PLCG2: variants seen among roughly 807,000 people sequenced by gnomAD.
PLCG2 encodes the protein 1-phosphatidylinositol 4,5-bisphosphate phosphodiesterase gamma-2.
A neutral mutation model predicts 175.6 loss-of-function variants in PLCG2; 69 were observed. The observed-to-expected ratio is 0.39, with a 90% CI of 0.32 to 0.48. The LOEUF (loss-of-function observed/expected upper bound fraction) is 0.48, where lower values mean the gene tolerates loss of function less well. PLCG2 is among the 20% of genes least tolerant of loss of function. The pLI, the probability that PLCG2 is intolerant of heterozygous loss-of-function variation, is 0.91. For missense variants in PLCG2, 1,798 were observed against 1,650.9 expected, an observed-to-expected ratio of 1.09 and a Z score of -1.54; for synonymous variants, 827 against 624.0, an observed-to-expected ratio of 1.33 and a Z score of -4.85.
At position 81,870,870 on chromosome 16, in the gene PLCG2, G is replaced by C; in HGVS notation, c.583G>C (p.Asp195His). Reference sequence around the variant, plus strand: ...TTTACAGGAAATAGGAGCACACAAAGATGAGCTCAGCTTTGAACAGTTCCA... The same window carrying C: ...TTTACAGGAAATAGGAGCACACAAACATGAGCTCAGCTTTGAACAGTTCCA... ...DKFVEIGAHK[D>H]ELSFEQFHLF... Residue 195 changes from aspartate to histidine, a missense_variant, in exon 7 of 33, where the codon GAT (aspartate) becomes CAT (histidine). Asp to His is a moderately conservative substitution (Grantham distance 81). Transcript: ENST00000564138. The C allele has an allele frequency of 6.3e-7, 1 of 1,596,054 alleles. No homozygotes were observed. Among genetic ancestry groups the C allele is most frequent in the Non-Finnish European group, 8.5e-7 (1 of 1,170,226 alleles).
chr16:81,922,205 C>T (rs1910088434), intron 21 of PLCG2, among the ~76,000 whole-genome samples: 1 of 152,198 alleles, frequency 6.6e-6, no homozygotes, highest in Non-Finnish European at 1.5e-5. Flanking sequence ...TGTGGCAGAG[C>T]TCCTAGAACC....
At position 81,959,130 on chromosome 16, in the gene PLCG2, T is replaced by C. The variant is rs1911687530; in HGVS notation, c.*1132T>C. ...GAGAGTGCTGGGTTGGGAAGGGAGG[T>C]GGTTGGTAGAGTCACAACTTCTCAA... On this transcript the variant is annotated 3_prime_UTR_variant, in exon 33 of 33. Coordinates refer to ENST00000564138, the MANE Select transcript of PLCG2 (RefSeq NM_002661.5). The C allele has an allele frequency of 9.0e-6, 2 of 223,444 alleles. No individual in the cohort carries two copies. Among genetic ancestry groups the C allele is most frequent in the South Asian group, 1.8e-4 (1 of 5,434 alleles). 13.8% of individuals were successfully genotyped at this position (223,444 alleles called of 1,614,324 possible). A position where few individuals can be genotyped will look rare whatever the true frequency, so the allele number is the denominator to read the frequency against.
At chr16:81,902,883 T>C (rs112280570) in intron 14 of PLCG2, among the ~76,000 whole-genome samples, 6,473 of 152,158 alleles carry the variant, frequency 0.043, 444 homozygotes, top group African/African-American at 0.15. Context: ...GAGAGCTTGT[T>C]CAGGGAAACT....
chr16:81,841,662 A>C (rs1905839032), intron 2 of PLCG2, among the ~76,000 whole-genome samples: 2 of 152,222 alleles, frequency 1.3e-5, no homozygotes, highest in African/African-American at 2.4e-5. Context: ...TCATACAGCC[A>C]GGAGAGAAAG....
chr16:81,749,988 A>T (rs377746948), intron 1 of PLCG2, among the ~76,000 whole-genome samples: 1 of 152,114 alleles, frequency 6.6e-6, no homozygotes, highest in Non-Finnish European at 1.5e-5. Context: ...TGACCTAGAA[A>T]GAGATCTGCA....
intron 2 of PLCG2, among the ~76,000 whole-genome samples, chr16:81,773,680 A>G (rs1910331074): frequency 6.6e-6 from 1 of 152,170 alleles, no homozygotes; most frequent in Non-Finnish European, 1.5e-5. Context: ...GTGACTACTG[A>G]GTCAGCTCCA....
chr16:81,835,335 C>G (rs931542900), intron 2 of PLCG2, among the ~76,000 whole-genome samples: 6 of 152,056 alleles, frequency 3.9e-5, no homozygotes, highest in African/African-American at 1.4e-4. Flanking sequence ...GTGGCTCACA[C>G]CTGTAATCCC....
chr16:81,892,784 T>G (rs1186824361), intron 11 of PLCG2, among the ~76,000 whole-genome samples: 2 of 152,150 alleles, frequency 1.3e-5, no homozygotes, highest in Non-Finnish European at 2.9e-5. Flanking sequence ...TACCCATTAG[T>G]TATTTTTCCT....
chr16:81,932,026 A>T (rs1409975108), intron 25 of PLCG2, among the ~76,000 whole-genome samples: 1 of 152,216 alleles, frequency 6.6e-6, no homozygotes, highest in Non-Finnish European at 1.5e-5. Flanking sequence ...TCCTGACAGA[A>T]AACGTTCACT....
At chr16:81,874,309 G>T (rs1051556142) in intron 7 of PLCG2, among the ~76,000 whole-genome samples, 46 of 152,136 alleles carry the variant, frequency 3.0e-4, no homozygotes, top group Non-Finnish European at 6.5e-4. Context: ...GCTCATTTAT[G>T]TTGCTTACCT....
At chr16:81,797,136 C>A (rs1277302520) in intron 2 of PLCG2, among the ~76,000 whole-genome samples, 1 of 152,152 alleles carries the variant, frequency 6.6e-6, no homozygotes, top group African/African-American at 2.4e-5. Flanking sequence ...AGGGAGGCAG[C>A]ATTTGTCCCT....
chr16:81,865,433 C>A (rs1409679217), intron 5 of PLCG2, among the ~76,000 whole-genome samples: 1 of 152,140 alleles, frequency 6.6e-6, no homozygotes, highest in Non-Finnish European at 1.5e-5. Context: ...GAGCTAGGAG[C>A]CCAAAGAAGC....
rs775054326 is a variant in PLCG2 at position 81,859,177 on chromosome 16, A to T, written c.479+14A>T. 6.4e-6 allele frequency: 10 copies of T among 1,562,174 alleles called. No individual in the cohort carries two copies. Among genetic ancestry groups the T allele is most frequent in the Non-Finnish European group, 8.8e-6 (10 of 1,132,878 alleles). On this transcript the variant is annotated intron_variant, in intron 5 of 32. Coordinates refer to ENST00000564138, the MANE Select transcript of PLCG2 (RefSeq NM_002661.5). ...CAGAAGAAACAGGTAAGAGTCATTC[A>T]GTTTTTTTCTGATCACTTTGGATTT...
chr16:81,778,044 A>AAAAAAAAC (rs1910509695), upstream of PLCG2, among the ~76,000 whole-genome samples: 1 of 83,778 alleles, frequency 1.2e-5, no homozygotes, highest in Non-Finnish European at 2.3e-5. Context: ...AAAAAAAAAC[A>AAAAAAAAC]AAAAAAAAAA....
intron 10 of PLCG2, among the ~76,000 whole-genome samples, chr16:81,889,954 G>A (rs1205995680): frequency 4.6e-5 from 7 of 151,918 alleles, no homozygotes; most frequent in East Asian, 1.9e-4. Flanking sequence ...CGCACCTGGC[G>A]GAGGCTAGGG....
chr16:81,913,109 T>C (rs4306504), intron 19 of PLCG2, among the ~76,000 whole-genome samples: 71,944 of 152,068 alleles, frequency 0.47, 17,633 homozygotes, highest in East Asian at 0.78. Context: ...TGTGATGATA[T>C]AGATCTGGTT....
chr16:81,892,994 G>A (rs1908709182), intron 11 of PLCG2, among the ~76,000 whole-genome samples: 2 of 151,834 alleles, frequency 1.3e-5, no homozygotes, highest in Middle Eastern at 3.4e-3. Flanking sequence ...CCGGGCACGA[G>A]CCACCATGCC....
chr16:81,928,519 C>T (rs755414687), intron 23 of PLCG2, 39 bp from the exon 24 acceptor site: 18 of 1,302,826 alleles, frequency 1.4e-5, no homozygotes, highest in African/African-American at 4.4e-5. Flanking sequence ...TTATTATTCC[C>T]GTTACAACTA....
intron 1 of PLCG2, among the ~76,000 whole-genome samples, chr16:81,750,290 G>A (rs1352260855): frequency 6.6e-6 from 1 of 151,830 alleles, no homozygotes; most frequent in Non-Finnish European, 1.5e-5. Context: ...CATGGTGGCG[G>A]GCATCCGTAA....
Sources: allele counts gnomAD v4.1 joint callset (sites outside exome capture counted in the v4.1 genomes callset), GRCh38; gene constraint gnomAD v4.1.1; transcripts MANE v1.5; gene names NCBI Gene and HGNC (gene_info 2026-07-23, HGNC 2026-07-21).